Variants in NAMPT observed in about 807,000 individuals in gnomAD.
NAMPT encodes NAmPRTase.
NAMPT carries 7 observed loss-of-function variants against 58.7 expected under a neutral mutation model. The observed-to-expected ratio is 0.12, with a 90% CI of 0.07 to 0.22. NAMPT has a LOEUF of 0.22. Among genes scored for constraint, NAMPT ranks in the 10% least tolerant of loss-of-function variants. The pLI, the probability that NAMPT is intolerant of heterozygous loss-of-function variation, is 1.00. For synonymous variants in NAMPT, 145 were observed against 198.1 expected (o/e 0.73, Z 2.25); for missense variants, 271 against 567.9 (o/e 0.48, Z 5.31).
intron 1 of NAMPT, among the ~76,000 whole-genome samples, chr7:106,280,879 T>G (rs1398920120): frequency 1.3e-5 from 2 of 151,234 alleles, no homozygotes; most frequent in Non-Finnish European, 2.9e-5. Flanking sequence ...AGGTGGAGGT[T>G]GCCGTGAGCT....
In NAMPT at chr7:106,271,091, TTTC is replaced by T. The variant is rs1252595761; in HGVS notation, c.447+1436_447+1438del. Among the ~76,000 whole-genome samples, 849 of 85,636 alleles carry T rather than the reference TTTC, an allele frequency of 9.9e-3. 29 individuals are homozygous for T. The highest frequency in any genetic ancestry group is 0.089 in the Admixed American group (773 of 8,734). 56.2% of individuals were successfully genotyped at this position (85,636 alleles called of 152,430 possible). A position where few individuals can be genotyped will look rare whatever the true frequency, so the allele number is the denominator to read the frequency against. ...GGTTACCATTCTAAAACAAGTTTTT[TTTC>T]TTTTTTTCCAGGTTGCATCTTTCCT... On this transcript the variant is annotated intron_variant, in intron 4 of 10. Transcript: ENST00000222553.
intron 4 of NAMPT, among the ~76,000 whole-genome samples, chr7:106,270,694 A>G (rs1792515182): frequency 6.6e-6 from 1 of 152,188 alleles, no homozygotes; most frequent in Non-Finnish European, 1.5e-5. Flanking sequence ...GCTCTGAAGA[A>G]ACCTCTTCTG....
chr7:106,283,827 G>A (rs982441193), intron 1 of NAMPT, among the ~76,000 whole-genome samples: 1 of 152,100 alleles, frequency 6.6e-6, no homozygotes, highest in Admixed American at 6.5e-5. Flanking sequence ...CGGAATATCG[G>A]AGGAGGGCTA....
rs1404281152 is a variant in NAMPT, at chr7:106,254,453, C to T, written c.1141G>A (p.Gly381Ser). Residue 381 changes from glycine to serine, a missense_variant, in exon 9 of 11, where the codon GGT (glycine) becomes AGT (serine). Physicochemically the swap from Gly to Ser is moderately conservative, Grantham distance 56. Transcript: ENST00000222553. ...TTCTGTAGCAAACCTCCACCAGAAC[C>T]GAAGGCAATATTTTCAATACTCCAC... is the stretch of plus-strand genomic sequence containing the variant. Reference protein sequence around the residue: ...KMWSIENIAFGSGGGLLQKLT... With the variant: ...KMWSIENIAFSSGGGLLQKLT... 3 of 1,613,656 alleles carry T rather than the reference C, an allele frequency of 1.9e-6. No homozygotes were observed. The highest frequency in any genetic ancestry group is 2.7e-5 in the African/African-American group (2 of 74,882).
chr7:106,268,291 C>T (rs1586020247), intron 6 of NAMPT, 173 bp downstream of exon 6: 1 of 531,900 alleles, frequency 1.9e-6, no homozygotes, highest in East Asian at 3.0e-5. Context: ...TAAAATTTCT[C>T]TGCCTCTCTA....
chr7:106,261,677 C>T lies in NAMPT; in HGVS notation c.1000G>A (p.Val334Ile). The T allele has an allele frequency of 6.2e-7, 1 of 1,603,292 alleles. No individual in the cohort carries two copies. Among genetic ancestry groups the T allele is most frequent in the Admixed American group, 1.7e-5 (1 of 59,988 alleles). Residue 334 changes from valine to isoleucine, a missense_variant, in exon 8 of 11, where the codon GTT becomes ATT. Transcript: ENST00000222553. ...VLEILGKKFP[V>I]TENSKGYKLL... ...TTGTAACCCTTTGAGTTCTCAGTAA[C>T]AGGAAACTTCTTACCTAAAATCTCC...
In NAMPT at chr7:106,254,380, A is replaced by G. The variant is rs539985690; in HGVS notation, c.1214T>C (p.Val405Ala). The part of the protein sequence containing the change: ...LNCSFKCSYV[V>A]TNGLGINVFK... ...GTGACATACCCCAAGGCCATTAGTT[A>G]CAACATAGCTACACTTGAAGGAACA... Residue 405 changes from valine (V) to alanine (A), a missense_variant, in exon 9 of 11, where the codon GTA (valine) becomes GCA (alanine). Physicochemically the swap from Val to Ala is moderately conservative, Grantham distance 64 (BLOSUM62 0). Transcript: ENST00000222553. 6.2e-7 allele frequency: 1 copy of G among 1,613,894 alleles called. No individual in the cohort carries two copies. The highest frequency in any genetic ancestry group is 1.3e-5 in the African/African-American group (1 of 75,044).
At chr7:106,255,185 GTTCT>G (rs1467243092) in intron 8 of NAMPT, among the ~76,000 whole-genome samples, 5 of 152,268 alleles carry the variant, frequency 3.3e-5, no homozygotes, top group Admixed American at 2.6e-4. Flanking sequence ...TTCTAAAAGA[GTTCT>G]TTCAAGGGAC....
chr7:106,276,028 A>AAAAAC (rs1227254186), intron 2 of NAMPT: 1 of 152,230 alleles, frequency 6.6e-6, no homozygotes, highest in Non-Finnish European at 1.5e-5. Flanking sequence ...GACCCTGTCT[A>AAAAAC]AAAACAAAAC....
chr7:106,270,844 C>T (rs910865902), intron 4 of NAMPT, among the ~76,000 whole-genome samples: 1 of 152,206 alleles, frequency 6.6e-6, no homozygotes, highest in Non-Finnish European at 1.5e-5. Context: ...GACGACCATC[C>T]AGTCAACCAC....
rs1018326037 is a variant in NAMPT, at chr7:106,249,951, C to G, written c.*1132G>C. The stretch of plus-strand genomic sequence containing the variant: ...TTCTTCTATTGAAACACATGTCATG[C>G]TTTTCATTGGAGATAATTTATCTTC... On this transcript the variant is annotated 3_prime_UTR_variant, in exon 11 of 11. Transcript: ENST00000222553. 4 of 152,014 alleles carry G rather than the reference C, an allele frequency of 2.6e-5. No individual in the cohort carries two copies. Among genetic ancestry groups the G allele is most frequent in the African/African-American group, 9.7e-5 (4 of 41,430 alleles). 9.4% of individuals were successfully genotyped at this position (152,014 alleles called of 1,614,324 possible). A position where few individuals can be genotyped will look rare whatever the true frequency, so the allele number is the denominator to read the frequency against.
At chr7:106,257,626 T>TC in intron 8 of NAMPT, among the ~76,000 whole-genome samples, 1 of 125,046 alleles carries the variant, frequency 8.0e-6, no homozygotes, top group Non-Finnish European at 1.8e-5. Flanking sequence ...TGAGTCCCTG[T>TC]CAAAAAAAAA....
intron 1 of NAMPT, among the ~76,000 whole-genome samples, chr7:106,279,049 G>A (rs1792705072): frequency 6.6e-6 from 1 of 151,986 alleles, no homozygotes. Context: ...TCTGTATCTT[G>A]GTCTAAAAGT....
upstream of NAMPT, chr7:106,285,175 A>G: frequency 8.2e-7 from 1 of 1,226,444 alleles, no homozygotes; most frequent in Non-Finnish European, 1.0e-6. Context: ...GGGCCGAGAA[A>G]GGGCGGGGCG....
At chr7:106,265,613 T>A (rs1006695109) in intron 6 of NAMPT, among the ~76,000 whole-genome samples, 1 of 150,096 alleles carries the variant, frequency 6.7e-6, no homozygotes, top group African/African-American at 2.5e-5. Context: ...GTTTCCAGTA[T>A]CTGTATCTTA....
At chr7:106,280,642 C>T (rs565265193) in intron 1 of NAMPT, among the ~76,000 whole-genome samples, 4 of 152,190 alleles carry the variant, frequency 2.6e-5, no homozygotes, top group African/African-American at 9.6e-5. Flanking sequence ...AACATCAATA[C>T]ATATGTGGTA....
intron 1 of NAMPT, among the ~76,000 whole-genome samples, chr7:106,281,776 A>G (rs1038444611): frequency 2.6e-5 from 4 of 152,224 alleles, no homozygotes; most frequent in African/African-American, 9.6e-5. Flanking sequence ...TTGGGGAAGG[A>G]GAGAAATTGC....
At chr7:106,263,284 G>A (rs1396140910) in intron 7 of NAMPT, 108 bp downstream of exon 7, 2 of 772,120 alleles carry the variant, frequency 2.6e-6, no homozygotes, top group East Asian at 2.7e-5. Context: ...AAAATAAAGG[G>A]GACTGGTCCA....
In NAMPT at chr7:106,256,223, T is replaced by C. The variant is rs3801271; in HGVS notation, c.1090-1719A>G. ...ACTGAAACACAACAGAAAAAGAAGATAGGCGCTCTGTATTTTGTCCAACAC... is the reference window on the plus strand; with the variant it reads ...ACTGAAACACAACAGAAAAAGAAGACAGGCGCTCTGTATTTTGTCCAACAC... On this transcript the variant is annotated intron_variant, in intron 8 of 10. Coordinates refer to ENST00000222553, the MANE Select transcript of NAMPT (RefSeq NM_005746.3). 7.9e-5 allele frequency among the ~76,000 whole-genome samples: 12 copies of C among 152,316 alleles called. No homozygotes were observed. In the East Asian group the frequency reaches 2.1e-3, roughly 27 times the overall value.
Sources: allele counts gnomAD v4.1 joint callset (sites outside exome capture counted in the v4.1 genomes callset), GRCh38; gene constraint gnomAD v4.1.1; transcripts MANE v1.5; gene names NCBI Gene and HGNC (gene_info 2026-07-23, HGNC 2026-07-21).